The following SLC6A4 variants were observed in gnomAD, a reference collection of about 807,000 sequenced individuals.
SLC6A4 encodes sodium-dependent serotonin transporter.
A neutral mutation model predicts 73.4 loss-of-function variants in SLC6A4; 22 were observed. That is an observed-to-expected ratio of 0.30 (90% CI 0.21 to 0.43). The LOEUF is 0.43. Among genes scored for constraint, SLC6A4 ranks in the 20% least tolerant of loss-of-function variants. The pLI, the probability that SLC6A4 is intolerant of heterozygous loss-of-function variation, is 1.00. For missense variants in SLC6A4, 593 were observed against 808.5 expected (o/e 0.73, Z 3.23); for synonymous variants, 270 against 315.5 (o/e 0.86, Z 1.53).
In SLC6A4 at chr17:30,231,754, C is replaced by G. The variant is rs367565793; in HGVS notation, c.-221+3859G>C. Among the ~76,000 whole-genome samples the G allele has an allele frequency of 1.8e-4, 28 of 152,330 alleles. No homozygotes were observed. The East Asian group carries it at 5.2e-3, about 28-fold the overall frequency. On this transcript the variant is annotated intron_variant, in intron 1 of 14. Transcript: ENST00000650711. ...GGGAAACTTCCAGTCAGCCAAAGCT[C>G]CCTGCTGACCAGAACAGCTTACCTC... is the stretch of plus-strand genomic sequence containing the variant.
At chr17:30,206,677 T>C (rs1488855959) in intron 13 of SLC6A4, among the ~76,000 whole-genome samples, 1 of 151,194 alleles carries the variant, frequency 6.6e-6, no homozygotes, top group East Asian at 1.9e-4. Flanking sequence ...TCACTTTACA[T>C]TGCTAAGCCT....
chr17:30,201,095 T>A (rs1216954287), intron 14 of SLC6A4, among the ~76,000 whole-genome samples: 1 of 152,164 alleles, frequency 6.6e-6, no homozygotes, highest in Non-Finnish European at 1.5e-5. Context: ...GAAACCTGTT[T>A]AACTTGCCTT....
rs2143012950 is a variant in SLC6A4 at position 30,198,452 on chromosome 17, T to C, written c.*4A>G. 6.3e-7 allele frequency: 1 copy of C among 1,577,654 alleles called. No individual in the cohort carries two copies. Among genetic ancestry groups the C allele is most frequent in the Admixed American group, 1.7e-5 (1 of 58,390 alleles). On this transcript the variant is annotated 3_prime_UTR_variant, in exon 15 of 15. Transcript: ENST00000650711. Reference sequence around the variant, plus strand: ...GAGAAGCCTTTTTCCTCTCGGTGAGTGTGTTACACAGCATTCAAGCGGATG... The same window carrying C: ...GAGAAGCCTTTTTCCTCTCGGTGAGCGTGTTACACAGCATTCAAGCGGATG...
At chr17:30,221,488 C>A in intron 3 of SLC6A4, 128 bp downstream of exon 3, 1 of 571,420 alleles carries the variant, frequency 1.8e-6, no homozygotes, top group South Asian at 2.0e-5. Context: ...CGGGTCACAG[C>A]CCATCCCAGG....
At chr17:30,208,619 C>G (rs2143014029) in intron 12 of SLC6A4, among the ~76,000 whole-genome samples, 1 of 152,278 alleles carries the variant, frequency 6.6e-6, no homozygotes, top group Middle Eastern at 3.4e-3. Context: ...TGTGTGCAAC[C>G]CAAAATGTGC....
chr17:30,208,080 T>C (rs772918624), intron 12 of SLC6A4, among the ~76,000 whole-genome samples: 8 of 152,114 alleles, frequency 5.3e-5, no homozygotes, highest in Non-Finnish European at 8.8e-5. Flanking sequence ...TGCATTTTTA[T>C]AGCAAGCAAG....
chr17:30,229,598 G>A (rs2143016394), intron 1 of SLC6A4, among the ~76,000 whole-genome samples: 1 of 152,224 alleles, frequency 6.6e-6, no homozygotes, highest in Middle Eastern at 3.4e-3. Flanking sequence ...ATACACAGTA[G>A]AGATGAGATC....
chr17:30,211,407 T>G lies in SLC6A4; in HGVS notation c.1222A>C (p.Ile408Leu). 6.2e-7 allele frequency: 1 copy of G among 1,612,340 alleles called. No individual in the cohort carries two copies. Among genetic ancestry groups the G allele is most frequent in the South Asian group, 1.1e-5 (1 of 91,038 alleles). The change falls in exon 10 of 15, where the codon ATC (isoleucine) becomes CTC (leucine). Residue 408 changes from isoleucine to leucine, a missense_variant. Coordinates refer to ENST00000650711, the MANE Select transcript of SLC6A4 (RefSeq NM_001045.6). This position sits in a 1 kb window ranked among gnomAD's most constrained non-coding sequence, Gnocchi z 4.0. ...TTGGCTATCGCTTCTGCATACGTGA[T>G]GAAGAGGAGGCTGGGACCTGAGACA... Reference protein sequence around the residue: ...AKDAGPSLLFITYAEAIANMP... With the variant: ...AKDAGPSLLFLTYAEAIANMP...
At chr17:30,209,809 C>G (rs1906327418) in intron 11 of SLC6A4, among the ~76,000 whole-genome samples, 1 of 152,064 alleles carries the variant, frequency 6.6e-6, no homozygotes, top group Non-Finnish European at 1.5e-5. Context: ...TCCAAAGGGC[C>G]TTGGGATCTA....
At chr17:30,233,649 G>T (rs1907183234) in intron 1 of SLC6A4, among the ~76,000 whole-genome samples, 1 of 152,208 alleles carries the variant, frequency 6.6e-6, no homozygotes, top group South Asian at 2.1e-4. Context: ...CTCATTTAGA[G>T]CTGAGGACCA....
intron 3 of SLC6A4, among the ~76,000 whole-genome samples, chr17:30,220,098 G>C (rs1199262359): frequency 6.6e-6 from 1 of 152,182 alleles, no homozygotes; most frequent in African/African-American, 2.4e-5. Flanking sequence ...GAAGCGCTGA[G>C]CTTCCCAGGG....
At chr17:30,229,625 G>A (rs1907025835) in intron 1 of SLC6A4, among the ~76,000 whole-genome samples, 1 of 152,062 alleles carries the variant, frequency 6.6e-6, no homozygotes, top group Admixed American at 6.5e-5. Flanking sequence ...TGTTGCCCAG[G>A]CTGGTCTTGA....
chr17:30,221,779 C>T lies in SLC6A4; in HGVS notation c.180G>A (p.Arg60=), dbSNP rs202193339. ...TGGTGGTGGTCGCTGGGATAGAGTGCCGTGTGTCATCTCCCGCACCAGGAC... is the reference window on the plus strand; with the variant it reads ...TGGTGGTGGTCGCTGGGATAGAGTGTCGTGTGTCATCTCCCGCACCAGGAC... The part of the protein sequence containing the change: ...VPSPGAGDDT[R]HSIPATTTTL... The change falls in exon 3 of 15, where the codon CGG becomes CGA. Residue 60 remains arginine (R), a synonymous_variant. Transcript: ENST00000650711. The T allele has an allele frequency of 6.8e-6, 11 of 1,614,020 alleles. No homozygotes were observed. The highest frequency in any genetic ancestry group is 9.3e-6 in the Non-Finnish European group (11 of 1,180,034).
In SLC6A4 at chr17:30,212,557, A is replaced by AT. The variant is rs56247930; in HGVS notation, c.1204+182dup. On this transcript the variant is annotated intron_variant, in intron 9 of 14. Transcript: ENST00000650711. ...GTGCACTACCATGCCCAGCTCATTTATTTTTTTATAGAGGCAGGGTCTCAC... is the reference window on the plus strand; with the variant it reads ...GTGCACTACCATGCCCAGCTCATTTATTTTTTTTATAGAGGCAGGGTCTCAC... 7.7e-3 allele frequency among the ~76,000 whole-genome samples: 1,174 copies of AT among 152,010 alleles called. 20 individuals carry two copies. Among genetic ancestry groups the AT allele is most frequent in the African/African-American group, 0.027 (1,116 of 41,464 alleles).
chr17:30,202,614 C>T (rs552363205), intron 14 of SLC6A4, among the ~76,000 whole-genome samples: 3 of 152,152 alleles, frequency 2.0e-5, no homozygotes, highest in African/African-American at 4.8e-5. Context: ...CATTCATTAC[C>T]GAAATGAATC....
intron 1 of SLC6A4, among the ~76,000 whole-genome samples, chr17:30,227,059 G>A (rs1384507802): frequency 2.6e-5 from 4 of 152,168 alleles, no homozygotes; most frequent in Non-Finnish European, 4.4e-5. Flanking sequence ...TCGCCGCGGC[G>A]TGTTTAGATA....
At chr17:30,218,071 GTGT>G in intron 5 of SLC6A4, 44 bp downstream of exon 5, 1 of 1,506,480 alleles carries the variant, frequency 6.6e-7, no homozygotes, top group Non-Finnish European at 9.2e-7. Flanking sequence ...AACCCCAGGG[GTGT>G]GGCCTGCCCC....
chr17:30,223,823 T>A (rs1159648850), intron 1 of SLC6A4, among the ~76,000 whole-genome samples: 1 of 152,158 alleles, frequency 6.6e-6, no homozygotes, highest in Non-Finnish European at 1.5e-5. Flanking sequence ...CTGCTCACCA[T>A]TTATGCTACT....
rs1906086514 is a variant in SLC6A4, at chr17:30,203,191, G to A, written c.1799C>T (p.Thr600Ile). Residue 600 changes from threonine (T) to isoleucine (I), a missense_variant, in exon 14 of 15, where the codon ACT (threonine) becomes ATT (isoleucine). Coordinates refer to ENST00000650711, the MANE Select transcript of SLC6A4 (RefSeq NM_001045.6). ...PTYIAYRLIITPGTFKERIIK... is the reference protein window; with the variant it reads ...PTYIAYRLIIIPGTFKERIIK... ...ACGTACCTCTTTAAATGTCCCTGGA[G>A]TGATGATCAACCGATAAGCTATATA... The A allele has an allele frequency of 6.2e-7, 1 of 1,613,802 alleles. No individual in the cohort carries two copies. The highest frequency in any genetic ancestry group is 8.5e-7 in the Non-Finnish European group (1 of 1,179,712).
Sources: gnomAD v4.1 joint callset for allele counts (sites outside exome capture counted in the v4.1 genomes callset) on GRCh38, gnomAD v4.1.1 for gene constraint, Gnocchi (gnomAD v3.1) non-coding constraint, MANE v1.5 for transcripts, NCBI Gene and HGNC (gene_info 2026-07-23, HGNC 2026-07-21) for gene names.